The following DCDC2 variants were observed in gnomAD, a reference collection of about 807,000 sequenced individuals.
DCDC2 encodes the protein doublecortin domain-containing protein 2.
DCDC2 carries 40 observed loss-of-function variants against 50.2 expected under a neutral mutation model. The ratio of observed to expected loss-of-function variants is 0.80; its 90% confidence interval spans 0.62 to 1.04. The LOEUF is 1.04. Ranked by LOEUF, DCDC2 falls within the 50% of genes least tolerant of loss-of-function variation. The probability of loss-of-function intolerance (pLI) is 0.00; values close to 1 mark genes in which losing one functional copy is unlikely to be tolerated. For missense variants in DCDC2, 570 were observed against 581.9 expected, an observed-to-expected ratio of 0.98 and a Z score of 0.21; for synonymous variants, 234 against 210.6, an observed-to-expected ratio of 1.11 and a Z score of -0.96.
chr6:24,258,177 A>G (rs1762933210), intron 7 of DCDC2, among the ~76,000 whole-genome samples: 2 of 152,126 alleles, frequency 1.3e-5, no homozygotes, highest in South Asian at 4.2e-4. Context: ...TGCGGACCCA[A>G]AGAGGGAGCA....
intron 7 of DCDC2, among the ~76,000 whole-genome samples, chr6:24,208,223 T>TGG (rs1761766681): frequency 6.6e-6 from 1 of 152,192 alleles, no homozygotes; most frequent in Non-Finnish European, 1.5e-5. Flanking sequence ...ACTTCTACCC[T>TGG]GTCCCTGGGT....
chr6:24,338,294 A>C (rs925134127), intron 2 of DCDC2, among the ~76,000 whole-genome samples: 11 of 152,286 alleles, frequency 7.2e-5, no homozygotes, highest in African/African-American at 2.6e-4. Context: ...TCTAACATTT[A>C]GGCTGGCTCA....
intron 2 of DCDC2, among the ~76,000 whole-genome samples, chr6:24,350,958 A>G (rs1337286292): frequency 2.0e-5 from 3 of 152,164 alleles, no homozygotes; most frequent in Non-Finnish European, 4.4e-5. Flanking sequence ...AACTTGTTGA[A>G]CTCCAAAAGT....
chr6:24,376,223 C>T, the DCDC2 span, among the ~76,000 whole-genome samples: 2 of 152,102 alleles, frequency 1.3e-5, no homozygotes, highest in African/African-American at 4.8e-5. Flanking sequence ...ACCTGAAATA[C>T]GTATTCAATA....
intron 7 of DCDC2, among the ~76,000 whole-genome samples, chr6:24,238,409 A>G (rs978759549): frequency 6.6e-6 from 1 of 151,120 alleles, no homozygotes; most frequent in Admixed American, 6.6e-5. Context: ...AGCGATTATC[A>G]TGCCTCAGCC....
intron 7 of DCDC2, among the ~76,000 whole-genome samples, chr6:24,260,805 A>G (rs750642840): frequency 3.3e-5 from 5 of 152,250 alleles, no homozygotes; most frequent in Non-Finnish European, 7.3e-5. Flanking sequence ...GAAAATATGG[A>G]GACCATTTGT....
chr6:24,358,936 T>TTACATA (rs1760560590), upstream of DCDC2, among the ~76,000 whole-genome samples: 16 of 16,990 alleles, frequency 9.4e-4, no homozygotes, highest in East Asian at 0.011. Context: ...TATTATATAT[T>TTACATA]TTATATATTA....
intron 2 of DCDC2, among the ~76,000 whole-genome samples, chr6:24,320,704 C>T (rs1759758716): frequency 6.6e-6 from 1 of 151,980 alleles, no homozygotes; most frequent in Admixed American, 6.6e-5. Flanking sequence ...ACAGAAATAA[C>T]TAGATTTGTA....
intron 1 of DCDC2, among the ~76,000 whole-genome samples, chr6:24,354,731 A>G (rs557891750): frequency 1.3e-5 from 2 of 152,294 alleles, no homozygotes; most frequent in Non-Finnish European, 2.9e-5. Flanking sequence ...ACTTCCAACA[A>G]TGCACAGGGA....
At chr6:24,368,523 A>G in the DCDC2 span, among the ~76,000 whole-genome samples, 1 of 152,220 alleles carries the variant, frequency 6.6e-6, no homozygotes, top group East Asian at 1.9e-4. Context: ...GAACATTACA[A>G]ACCAGAAAAC....
In DCDC2 at chr6:24,301,964, T is replaced by G; in HGVS notation, c.425+4A>C. 2 of 1,613,702 alleles carry G rather than the reference T, an allele frequency of 1.2e-6. No homozygotes were observed. Among genetic ancestry groups the G allele is most frequent in the Non-Finnish European group, 1.7e-6 (2 of 1,179,876 alleles). On this transcript the variant is annotated splice_donor_region_variant and intron_variant, in intron 3 of 9. Transcript: ENST00000378454. ...AACTTGAAGTATAAAGGGTTTCAAC[T>G]TACAAGATAGTGCACGGCTCCTGAA...
chr6:24,368,265 A>T, the DCDC2 span, among the ~76,000 whole-genome samples: 2 of 152,174 alleles, frequency 1.3e-5, no homozygotes, highest in African/African-American at 4.8e-5. Context: ...CCAGAAGGAG[A>T]CACAAAGAGA....
At position 24,357,876 on chromosome 6, in the gene DCDC2, A is replaced by T; in HGVS notation, c.-126T>A. 6.4e-7 allele frequency: 1 copy of T among 1,572,732 alleles called. No homozygotes were observed. The highest frequency in any genetic ancestry group is 1.7e-4 in the Middle Eastern group (1 of 5,854). ...AAACGAACGAGAAACTGACGAATCC[A>T]CAGGTGAAAGAGAAGTAACGGCCGT... On this transcript the variant is annotated 5_prime_UTR_variant, in exon 1 of 10. Coordinates refer to ENST00000378454, the MANE Select transcript of DCDC2 (RefSeq NM_016356.5).
chr6:24,204,418 A>G (rs930990740), intron 8 of DCDC2, among the ~76,000 whole-genome samples: 6 of 152,206 alleles, frequency 3.9e-5, no homozygotes, highest in African/African-American at 1.4e-4. Context: ...ATTCTCACTC[A>G]TAAGTGGGAG....
chr6:24,378,956 GAAAAAAAAAAA>G, the DCDC2 span, among the ~76,000 whole-genome samples: 5 of 67,434 alleles, frequency 7.4e-5, no homozygotes, highest in African/African-American at 1.1e-4. Flanking sequence ...GTCTCATTTG[GAAAAAAAAAAA>G]AAAAAAAAAA....
intron 2 of DCDC2, among the ~76,000 whole-genome samples, chr6:24,324,195 C>T (rs1759820624): frequency 6.6e-6 from 1 of 152,058 alleles, no homozygotes; most frequent in African/African-American, 2.4e-5. Context: ...CAGAAGAATG[C>T]TCAAGGTTCA....
At chr6:24,283,285 A>T (rs192618872) in intron 6 of DCDC2, among the ~76,000 whole-genome samples, 1 of 151,976 alleles carries the variant, frequency 6.6e-6, no homozygotes, top group South Asian at 2.1e-4. Flanking sequence ...TTTTCTCAAC[A>T]TGCTAATTTC....
chr6:24,383,153 C>G, the DCDC2 span, among the ~76,000 whole-genome samples: 1 of 151,850 alleles, frequency 6.6e-6, no homozygotes, highest in Non-Finnish European at 1.5e-5. Context: ...ATGGAGAAAC[C>G]CCGTCTCTAC....
At chr6:24,186,006 T>A (rs1435897295) in intron 8 of DCDC2, among the ~76,000 whole-genome samples, 1 of 152,214 alleles carries the variant, frequency 6.6e-6, no homozygotes, top group Non-Finnish European at 1.5e-5. Context: ...GGACTAATCA[T>A]CCTCACTCTC....
Sources: allele counts gnomAD v4.1 joint callset (sites outside exome capture counted in the v4.1 genomes callset), GRCh38; gene constraint gnomAD v4.1.1; transcripts MANE v1.5; gene names NCBI Gene and HGNC (gene_info 2026-07-23, HGNC 2026-07-21).